The following ADGRG3 variants were observed in gnomAD, a reference collection of about 807,000 sequenced individuals.
ADGRG3 encodes G protein-coupled receptor 97.
A neutral mutation model predicts 54.3 loss-of-function variants in ADGRG3; 39 were observed. The ratio of observed to expected loss-of-function variants is 0.72; its 90% CI spans 0.56 to 0.94. The LOEUF is 0.94. ADGRG3 is among the 40% of genes least tolerant of loss of function. The pLI is 0.00. For synonymous variants in ADGRG3, 312 were observed against 290.0 expected, an observed-to-expected ratio of 1.08 and a Z score of -0.77; for missense variants, 654 against 694.6, an observed-to-expected ratio of 0.94 and a Z score of 0.66.
chr16:57,674,316 G>A (rs1049659480), intron 2 of ADGRG3, among the ~76,000 whole-genome samples: 2 of 152,098 alleles, frequency 1.3e-5, no homozygotes, highest in African/African-American at 4.8e-5. Flanking sequence ...TTAGATGTGG[G>A]GGTGAGGGAA....
At chr16:57,679,064 C>A in intron 4 of ADGRG3, 113 bp from the exon 5 acceptor site, 1 of 1,284,684 alleles carries the variant, frequency 7.8e-7, no homozygotes, top group Non-Finnish European at 1.1e-6. Context: ...TGGTCTCGAA[C>A]TCTGCCCTCC....
At chr16:57,667,179 A>G (rs2048075791), upstream of ADGRG3, among the ~76,000 whole-genome samples, 1 of 152,230 alleles carries the variant, frequency 6.6e-6, no homozygotes, top group South Asian at 2.1e-4. Context: ...AGGGCTCAGC[A>G]GGAGACACTG....
Position 57,676,266 on chromosome 16 carries a change from C to T in ADGRG3, c.273C>T (p.Phe91=), listed in dbSNP as rs1208772601. The T allele has an allele frequency of 6.2e-7, 1 of 1,614,052 alleles. No homozygotes were observed. Among genetic ancestry groups the T allele is most frequent in the East Asian group, 2.2e-5 (1 of 44,880 alleles). Residue 91 remains phenylalanine, a synonymous_variant, in exon 3 of 12, where the codon TTC becomes TTT. Transcript: ENST00000333493. ...EGLTQKVNTP[F]LKALVQNLST... ...TGACGCAGAAGGTGAACACGCCTTTCCTGAAGGCTTTGGTCCAGAACCTCA... is the reference window on the plus strand; with the variant it reads ...TGACGCAGAAGGTGAACACGCCTTTTCTGAAGGCTTTGGTCCAGAACCTCA...
chr16:57,668,546 G>A, intron 1 of ADGRG3, 141 bp downstream of exon 1: 1 of 737,142 alleles, frequency 1.4e-6, no homozygotes, highest in South Asian at 1.7e-5. Flanking sequence ...ACCCCCCGTG[G>A]CCGCCTCAGC....
intron 8 of ADGRG3, among the ~76,000 whole-genome samples, chr16:57,683,573 G>A (rs1187035017): frequency 5.3e-5 from 8 of 152,058 alleles, no homozygotes; most frequent in Admixed American, 2.0e-4. Flanking sequence ...CCCATTCACC[G>A]TGCTTCTATT....
intron 11 of ADGRG3, 89 bp from the exon 12 acceptor site, chr16:57,688,263 T>G (rs1597785238): frequency 7.3e-5 from 60 of 818,368 alleles, no homozygotes. Flanking sequence ...TTACGGTGGG[T>G]CTCCTCCCTC....
chr16:57,683,731 G>A (rs551004689), intron 8 of ADGRG3, among the ~76,000 whole-genome samples: 7 of 152,310 alleles, frequency 4.6e-5, no homozygotes, highest in South Asian at 2.1e-4. Flanking sequence ...ACAGGGCCCC[G>A]TGGGCCATGA....
At chr16:57,668,439 G>T (rs756109909) in intron 1 of ADGRG3, 34 bp downstream of exon 1, 12 of 1,538,734 alleles carry the variant, frequency 7.8e-6, no homozygotes, top group Non-Finnish European at 1.0e-5. Flanking sequence ...CTCCTGCCAC[G>T]CTGGGCCGAC....
intron 1 of ADGRG3, among the ~76,000 whole-genome samples, chr16:57,671,102 C>T (rs745789144): frequency 6.6e-5 from 10 of 151,928 alleles, no homozygotes; most frequent in Admixed American, 5.9e-4. Context: ...TAAAAGTGGC[C>T]GCAGATATAC....
At chr16:57,667,636 T>A (rs1039730171), upstream of ADGRG3, among the ~76,000 whole-genome samples, 5 of 152,170 alleles carry the variant, frequency 3.3e-5, no homozygotes, top group Non-Finnish European at 7.4e-5. Flanking sequence ...GTGGCCAGGA[T>A]GGATGTTAGC....
chr16:57,672,884 T>C (rs1567851922), intron 1 of ADGRG3, among the ~76,000 whole-genome samples: 1 of 152,000 alleles, frequency 6.6e-6, no homozygotes, highest in Non-Finnish European at 1.5e-5. Context: ...ACAAATAAGA[T>C]AGTGTGAATG....
At chr16:57,686,329 C>T (rs731960) in intron 11 of ADGRG3, among the ~76,000 whole-genome samples, 51,522 of 151,784 alleles carry the variant, frequency 0.34, 9,214 homozygotes, top group African/African-American at 0.45. Flanking sequence ...GGCACCATGC[C>T]GTTTTAAACA....
At position 57,688,526 on chromosome 16, in the gene ADGRG3, CCTCT is replaced by C; in HGVS notation, c.*70_*73del. 5.4e-6 allele frequency: 5 copies of C among 931,654 alleles called. No individual in the cohort carries two copies. Among genetic ancestry groups the C allele is most frequent in the Non-Finnish European group, 9.0e-6 (5 of 558,076 alleles). 57.7% of individuals were successfully genotyped at this position (931,654 alleles called of 1,614,324 possible). A position where few individuals can be genotyped will look rare whatever the true frequency, so the allele number is the denominator to read the frequency against. On this transcript the variant is annotated 3_prime_UTR_variant, in exon 12 of 12. Transcript: ENST00000333493. Reference sequence around the variant, plus strand: ...CTGTGTGACCTTGGGCAGCTCCGTGCCTCTCTCTGTACTCCCTCAGTTTCCTTCT... The same window carrying C: ...CTGTGTGACCTTGGGCAGCTCCGTGCCTCTGTACTCCCTCAGTTTCCTTCT...
intron 3 of ADGRG3, among the ~76,000 whole-genome samples, chr16:57,676,665 G>A (rs545844984): frequency 2.0e-5 from 3 of 152,250 alleles, no homozygotes; most frequent in South Asian, 2.1e-4. Flanking sequence ...TCTGAGCCTC[G>A]GTTTCTCTGT....
At chr16:57,668,519 G>GA in intron 1 of ADGRG3, 114 bp downstream of exon 1, 1 of 1,005,634 alleles carries the variant, frequency 9.9e-7, no homozygotes, top group Non-Finnish European at 1.5e-6. Context: ...TGGGGTGTCT[G>GA]GGATGTGTCC....
intron 4 of ADGRG3, chr16:57,678,820 C>A: frequency 2.9e-6 from 1 of 349,456 alleles, no homozygotes; most frequent in Non-Finnish European, 5.4e-6. Context: ...ACCGAATGCA[C>A]ACTCACGCTA....
chr16:57,675,391 G>A (rs187056043), intron 2 of ADGRG3, among the ~76,000 whole-genome samples: 37 of 152,254 alleles, frequency 2.4e-4, no homozygotes, highest in Middle Eastern at 3.4e-3. Flanking sequence ...TTGGGAAGCC[G>A]AGGCAAGCGG....
chr16:57,687,720 T>C (rs1427131385), intron 11 of ADGRG3, among the ~76,000 whole-genome samples: 6 of 152,186 alleles, frequency 3.9e-5, no homozygotes, highest in East Asian at 1.9e-4. Context: ...GGGTTGATGG[T>C]TGGGGAGAAA....
intron 1 of ADGRG3, among the ~76,000 whole-genome samples, chr16:57,669,545 G>A (rs1399587155): frequency 6.6e-6 from 1 of 152,206 alleles, no homozygotes; most frequent in South Asian, 2.1e-4. Flanking sequence ...TCCAGGTGAT[G>A]CTGTTTCCCC....
Sources: allele counts gnomAD v4.1 joint callset (sites outside exome capture counted in the v4.1 genomes callset), GRCh38; gene constraint gnomAD v4.1.1; transcripts MANE v1.5; gene names NCBI Gene and HGNC (gene_info 2026-07-23, HGNC 2026-07-21).